The following LRRC37A variants were observed in gnomAD, a reference collection of about 807,000 sequenced individuals.
LRRC37A encodes the protein leucine-rich repeat-containing protein 37A.
A neutral mutation model predicts 35.4 loss-of-function variants in LRRC37A; 3 were observed. The ratio of observed to expected loss-of-function variants is 0.08; its 90% CI spans 0.04 to 0.22. The LOEUF (loss-of-function observed/expected upper bound fraction) is 0.22. Ranked by LOEUF, LRRC37A falls within the 10% of genes least tolerant of loss-of-function variation. LRRC37A has a pLI of 1.00. For missense variants in LRRC37A, 67 were observed against 565.3 expected (o/e 0.12, Z 8.94); for synonymous variants, 23 against 215.0 (o/e 0.11, Z 7.81).
chr17:46,291,858 A>G (rs2532420), upstream of LRRC37A, among the ~76,000 whole-genome samples: 21,303 of 150,678 alleles, frequency 0.14, 1,873 homozygotes, highest in Middle Eastern at 0.22. Context: ...ATACTTGGGA[A>G]CCTGAGGCGG....
At chr17:46,279,994 G>A in the LRRC37A span, among the ~76,000 whole-genome samples, 16,039 of 148,514 alleles carry the variant, frequency 0.11, no homozygotes, top group Non-Finnish European at 0.17. Context: ...ATTGCTTACC[G>A]CACAGCCTGC....
At chr17:46,254,541 G>C in the LRRC37A span, among the ~76,000 whole-genome samples, 1 of 143,408 alleles carries the variant, frequency 7.0e-6, no homozygotes, top group Admixed American at 7.3e-5. Flanking sequence ...ACCTTGCCCA[G>C]CTAATTTTTT....
the LRRC37A span, among the ~76,000 whole-genome samples, chr17:46,258,305 G>T: frequency 6.6e-6 from 1 of 151,904 alleles, no homozygotes; most frequent in African/African-American, 2.4e-5. Flanking sequence ...CTGCCTCCTG[G>T]GTTCAAGTGA....
At chr17:46,248,108 C>T in the LRRC37A span, among the ~76,000 whole-genome samples, 1 of 151,900 alleles carries the variant, frequency 6.6e-6, no homozygotes, top group Non-Finnish European at 1.5e-5. Context: ...ACGCAAGTCC[C>T]ACTTACAACA....
chr17:46,268,753 C>T, the LRRC37A span: 1 of 1,226,578 alleles, frequency 8.2e-7, no homozygotes, highest in Non-Finnish European at 1.1e-6. Context: ...CATGAAAGGT[C>T]TATCTTCATG....
At chr17:46,260,257 G>T in the LRRC37A span, 2 of 1,526,530 alleles carry the variant, frequency 1.3e-6, no homozygotes, top group Non-Finnish European at 1.8e-6. Context: ...CGGCCGCAGC[G>T]GGTGGTTGTG....
the LRRC37A span, among the ~76,000 whole-genome samples, chr17:46,252,820 ACCTTTCCCC>A: frequency 6.6e-6 from 1 of 151,534 alleles, no homozygotes; most frequent in Non-Finnish European, 1.5e-5. Context: ...TCCTTTCCCC[ACCTTTCCCC>A]CCTTTCTACT....
At chr17:46,274,539 C>T in the LRRC37A span, among the ~76,000 whole-genome samples, 6 of 152,282 alleles carry the variant, frequency 3.9e-5, no homozygotes, top group Admixed American at 1.3e-4. Context: ...TGTACTTTTA[C>T]GTACAGGAAT....
chr17:46,314,691 C>T (rs2050975631), intron 5 of LRRC37A, among the ~76,000 whole-genome samples: 2 of 76,272 alleles, frequency 2.6e-5, no homozygotes, highest in African/African-American at 6.7e-5. Context: ...TTTGGAGAAT[C>T]ATGCTATTAT....
upstream of LRRC37A, among the ~76,000 whole-genome samples, chr17:46,289,820 T>C (rs1334743761): frequency 1.3e-5 from 2 of 152,232 alleles, no homozygotes; most frequent in Non-Finnish European, 2.9e-5. Flanking sequence ...ATTTTATTTT[T>C]CCTTCTTTGA....
the LRRC37A span, among the ~76,000 whole-genome samples, chr17:46,253,827 C>G: frequency 6.6e-6 from 1 of 152,116 alleles, no homozygotes; most frequent in East Asian, 1.9e-4. Context: ...ACCCAATTTC[C>G]TCTTTAGTGC....
the LRRC37A span, among the ~76,000 whole-genome samples, chr17:46,283,112 C>T: frequency 6.6e-6 from 1 of 151,954 alleles, no homozygotes; most frequent in Non-Finnish European, 1.5e-5. Context: ...GGTGAGACTC[C>T]ATCTCAAAAA....
At chr17:46,261,694 C>T in the LRRC37A span, among the ~76,000 whole-genome samples, 2 of 149,558 alleles carry the variant, frequency 1.3e-5, no homozygotes, top group East Asian at 2.0e-4. Flanking sequence ...ATTACAGGCC[C>T]GAGCCATGGT....
the LRRC37A span, among the ~76,000 whole-genome samples, chr17:46,278,642 T>C: frequency 1.3e-5 from 2 of 152,078 alleles, no homozygotes; most frequent in Non-Finnish European, 2.9e-5. Flanking sequence ...GACCTCGTGA[T>C]ACACCCGCCT....
upstream of LRRC37A, chr17:46,292,819 C>A (rs2050111221): frequency 1.3e-5 from 1 of 79,502 alleles, no homozygotes; most frequent in African/African-American, 3.2e-5. Context: ...TGCCGAAGAT[C>A]TTTCTGTCAA....
At chr17:46,265,104 G>A in the LRRC37A span, among the ~76,000 whole-genome samples, 1 of 152,094 alleles carries the variant, frequency 6.6e-6, no homozygotes, top group Non-Finnish European at 1.5e-5. Flanking sequence ...AAGCTTTGCA[G>A]TGGCTGTAGA....
chr17:46,285,186 C>T, the LRRC37A span, among the ~76,000 whole-genome samples: 21,621 of 151,086 alleles, frequency 0.14, 1,981 homozygotes, highest in Non-Finnish European at 0.22. Context: ...CTTCAATACA[C>T]CTGTATCACT....
At chr17:46,270,890 ACT>A in the LRRC37A span, among the ~76,000 whole-genome samples, 2 of 152,334 alleles carry the variant, frequency 1.3e-5, no homozygotes, top group South Asian at 2.1e-4. Context: ...ACAGAGCGAG[ACT>A]CTGTCTGAAA....
chr17:46,277,637 T>TTTTCTTTTCTTTTCTTTC, the LRRC37A span, among the ~76,000 whole-genome samples: 29 of 150,356 alleles, frequency 1.9e-4, no homozygotes, highest in Middle Eastern at 3.4e-3. Context: ...TTTTCTTTTC[T>TTTTCTTTTCTTTTCTTTC]TTTCTTTCTT....
Sources: allele counts gnomAD v4.1 joint callset (sites outside exome capture counted in the v4.1 genomes callset), GRCh38; gene constraint gnomAD v4.1.1; transcripts MANE v1.5; gene names NCBI Gene and HGNC (gene_info 2026-07-23, HGNC 2026-07-21).